Variants in ALPK2 observed in about 807,000 individuals in gnomAD.
The protein encoded by ALPK2 is alpha-protein kinase 2.
ALPK2 carries 127 observed loss-of-function variants against 163.1 expected under a neutral mutation model. The observed-to-expected ratio is 0.78, with a 90% CI of 0.67 to 0.90. The LOEUF (loss-of-function observed/expected upper bound fraction) is 0.90, where lower values mean the gene tolerates loss of function less well. Among genes scored for constraint, ALPK2 ranks in the 40% least tolerant of loss-of-function variants. The pLI, the probability that ALPK2 is intolerant of heterozygous loss-of-function variation, is 0.00. For synonymous variants in ALPK2, 953 were observed against 959.1 expected, an observed-to-expected ratio of 0.99 and a Z score of 0.12; for missense variants, 2,360 against 2,589.6, an observed-to-expected ratio of 0.91 and a Z score of 1.92.
intron 10 of ALPK2, among the ~76,000 whole-genome samples, chr18:58,506,226 G>T (rs1447440544): frequency 6.6e-6 from 1 of 152,094 alleles, no homozygotes; most frequent in Non-Finnish European, 1.5e-5. Flanking sequence ...AGAGGGGAGG[G>T]AGGGAGGAGG....
In ALPK2 at chr18:58,611,680, G is replaced by A; in HGVS notation, c.109+9C>T. Reference sequence around the variant, plus strand: ...TTAGAGGGTGATTAGCTAGTCTAGTGATGGTTACCAGATATTATGCAGCGA... The same window carrying A: ...TTAGAGGGTGATTAGCTAGTCTAGTAATGGTTACCAGATATTATGCAGCGA... On this transcript the variant is annotated intron_variant, in intron 2 of 12. Coordinates refer to ENST00000361673, the MANE Select transcript of ALPK2 (RefSeq NM_052947.4). 6.2e-7 allele frequency: 1 copy of A among 1,609,102 alleles called. No individual in the cohort carries two copies.
chr18:58,595,188 G>C (rs1167079024), intron 3 of ALPK2, among the ~76,000 whole-genome samples: 1 of 152,160 alleles, frequency 6.6e-6, no homozygotes, highest in Non-Finnish European at 1.5e-5. Flanking sequence ...TCACCAGAGA[G>C]ACCTTCCCAC....
intron 12 of ALPK2, among the ~76,000 whole-genome samples, chr18:58,482,395 G>A (rs936379234): frequency 5.3e-5 from 8 of 152,066 alleles, no homozygotes; most frequent in African/African-American, 9.6e-5. Context: ...CTTAGTGATC[G>A]AAAGCCACTC....
intron 1 of ALPK2, among the ~76,000 whole-genome samples, chr18:58,620,823 G>T (rs2052194689): frequency 1.3e-5 from 2 of 152,124 alleles, no homozygotes; most frequent in African/African-American, 4.8e-5. Context: ...TCTAAAGAAT[G>T]GAATCTTTTT....
intron 4 of ALPK2, 75 bp downstream of exon 4, chr18:58,578,733 GACACAC>G (rs71173065): frequency 2.4e-4 from 127 of 533,084 alleles, no homozygotes; most frequent in Middle Eastern, 6.1e-4. Context: ...TAAAGGAAGA[GACACAC>G]ACACACACAC....
intron 1 of ALPK2, among the ~76,000 whole-genome samples, chr18:58,616,176 T>G (rs1047283531): frequency 2.6e-5 from 4 of 152,338 alleles, no homozygotes; most frequent in South Asian, 2.1e-4. Flanking sequence ...CCTTTTTTCT[T>G]TTCTTTTTTT....
At position 58,537,196 on chromosome 18, in the gene ALPK2, C is replaced by A. The variant is rs1269294648; in HGVS notation, c.2991G>T (p.Glu997Asp). 1.1e-5 allele frequency: 18 copies of A among 1,613,986 alleles called. No individual in the cohort carries two copies. The East Asian group carries it at 4.0e-4, about 36-fold the overall frequency. ...CAGTCTCCCTGGTCGCTTGAAAGCA[C>A]TCATTATTAGCAGTTAATGTTGTTG... ...EKPTTLTANN[E>D]CFQATRETED... The change falls in exon 5 of 13, where the codon GAG becomes GAT. Residue 997 changes from glutamate (E) to aspartate (D), a missense_variant. By Grantham distance (45) the Glu-to-Asp change is conservative. Transcript: ENST00000361673.
chr18:58,504,371 A>G (rs1214820823), intron 10 of ALPK2, among the ~76,000 whole-genome samples: 1 of 152,232 alleles, frequency 6.6e-6, no homozygotes, highest in Non-Finnish European at 1.5e-5. Flanking sequence ...TTAATTGCTC[A>G]TGTAGAAATG....
At chr18:58,569,857 G>A (rs1212231116) in intron 4 of ALPK2, among the ~76,000 whole-genome samples, 1 of 152,180 alleles carries the variant, frequency 6.6e-6, no homozygotes, top group Non-Finnish European at 1.5e-5. Context: ...CTGGCTGGGC[G>A]CGGTGGCTCA....
At chr18:58,575,384 C>T (rs1373670598) in intron 4 of ALPK2, among the ~76,000 whole-genome samples, 1 of 152,150 alleles carries the variant, frequency 6.6e-6, no homozygotes, top group Non-Finnish European at 1.5e-5. Context: ...TCCCTTCCAT[C>T]ACGGAGCTCA....
intron 3 of ALPK2, among the ~76,000 whole-genome samples, chr18:58,585,977 C>T (rs1043615767): frequency 3.3e-5 from 5 of 152,192 alleles, no homozygotes; most frequent in Non-Finnish European, 7.3e-5. Flanking sequence ...AGCCACAATG[C>T]CCAGCCCTAT....
At chr18:58,531,072 G>A (rs1231882896) in intron 5 of ALPK2, among the ~76,000 whole-genome samples, 1 of 152,126 alleles carries the variant, frequency 6.6e-6, no homozygotes, top group East Asian at 1.9e-4. Flanking sequence ...GCGCATGCCT[G>A]TGGACCTAGC....
At chr18:58,581,686 C>A (rs1036811716) in intron 3 of ALPK2, among the ~76,000 whole-genome samples, 1 of 152,200 alleles carries the variant, frequency 6.6e-6, no homozygotes, top group Non-Finnish European at 1.5e-5. Context: ...TATGTTGCAC[C>A]CTTATTAATC....
At chr18:58,514,423 C>T (rs1408959391) in intron 10 of ALPK2, among the ~76,000 whole-genome samples, 2 of 152,138 alleles carry the variant, frequency 1.3e-5, no homozygotes, top group Non-Finnish European at 2.9e-5. Flanking sequence ...AACAGAGCTG[C>T]AAACACAAGC....
At chr18:58,578,762 A>G in intron 4 of ALPK2, 52 bp downstream of exon 4, 9 of 1,544,016 alleles carry the variant, frequency 5.8e-6, no homozygotes, top group Non-Finnish European at 7.9e-6. Context: ...ACACACACAC[A>G]CACACACACG....
chr18:58,627,950 GA>G (rs2052240321), intron 1 of ALPK2, among the ~76,000 whole-genome samples: 3 of 152,158 alleles, frequency 2.0e-5, no homozygotes, highest in Admixed American at 2.0e-4. Context: ...TTTACTTAAG[GA>G]AAAGGTTGTG....
At chr18:58,616,086 T>C (rs1459150094) in intron 1 of ALPK2, among the ~76,000 whole-genome samples, 1 of 152,184 alleles carries the variant, frequency 6.6e-6, no homozygotes, top group Non-Finnish European at 1.5e-5. Flanking sequence ...GAATTATTGG[T>C]ATTAGTGGAG....
intron 2 of ALPK2, among the ~76,000 whole-genome samples, chr18:58,610,421 C>T (rs1019956075): frequency 1.3e-5 from 2 of 152,012 alleles, no homozygotes; most frequent in South Asian, 4.2e-4. Flanking sequence ...CAAGATATCA[C>T]TTCCCTACCC....
intron 3 of ALPK2, among the ~76,000 whole-genome samples, chr18:58,605,411 G>C (rs1050390029): frequency 6.6e-6 from 1 of 152,200 alleles, no homozygotes; most frequent in African/African-American, 2.4e-5. Context: ...AGAAGGGAGA[G>C]ATATAGATAG....
Sources: gnomAD v4.1 joint callset for allele counts (sites outside exome capture counted in the v4.1 genomes callset) on GRCh38, gnomAD v4.1.1 for gene constraint, MANE v1.5 for transcripts, NCBI Gene and HGNC (gene_info 2026-07-23, HGNC 2026-07-21) for gene names.